SYNE3: variants seen among roughly 807,000 people sequenced by gnomAD.
SYNE3 encodes the protein spectrin repeat containing nuclear envelope family member 3.
SYNE3 carries 100 observed loss-of-function variants against 111.2 expected under a neutral mutation model. That is an observed-to-expected ratio of 0.90 (90% CI 0.77 to 1.06). SYNE3 has a LOEUF of 1.06. SYNE3 is among the 50% of genes least tolerant of loss of function. The pLI, the probability that SYNE3 is intolerant of heterozygous loss-of-function variation, is 0.00. For missense variants in SYNE3, 1,160 were observed against 1,240.3 expected (o/e 0.94, Z 0.97); for synonymous variants, 547 against 533.9 (o/e 1.02, Z -0.34).
chr14:95,447,051 T>C (rs1417970087), intron 8 of SYNE3, among the ~76,000 whole-genome samples: 1 of 152,094 alleles, frequency 6.6e-6, no homozygotes, highest in Non-Finnish European at 1.5e-5. Context: ...CTTAAAACAC[T>C]GAGCTAGGCA....
chr14:95,496,558 T>C (rs1345009191), intron 1 of SYNE3, among the ~76,000 whole-genome samples: 2 of 152,216 alleles, frequency 1.3e-5, no homozygotes, highest in Non-Finnish European at 2.9e-5. Flanking sequence ...CCACGAGGGC[T>C]CCATGAAATC....
chr14:95,473,737 T>G (rs61983362), intron 2 of SYNE3, among the ~76,000 whole-genome samples: 3,094 of 30,654 alleles, frequency 0.1, no homozygotes, highest in Non-Finnish European at 0.11. Context: ...GCTAAGGCTG[T>G]TGTGAGCTTG....
At chr14:95,493,674 G>T (rs1016562085) in intron 1 of SYNE3, among the ~76,000 whole-genome samples, 22 of 152,220 alleles carry the variant, frequency 1.4e-4, no homozygotes, top group African/African-American at 5.1e-4. Context: ...AAGAGGGGTG[G>T]CCACCAGTGG....
intron 8 of SYNE3, among the ~76,000 whole-genome samples, chr14:95,446,970 C>T (rs1886757685): frequency 6.6e-6 from 1 of 152,156 alleles, no homozygotes; most frequent in South Asian, 2.1e-4. Context: ...TTCTGGAAGC[C>T]ACAGGTTTTG....
chr14:95,487,899 C>T (rs1023961398), intron 1 of SYNE3, among the ~76,000 whole-genome samples: 1 of 137,776 alleles, frequency 7.3e-6, no homozygotes, highest in Admixed American at 7.5e-5. Flanking sequence ...CTCGAGACAG[C>T]AAGACCAACC....
At chr14:95,461,753 A>G (rs999684) in intron 4 of SYNE3, among the ~76,000 whole-genome samples, 1 of 151,818 alleles carries the variant, frequency 6.6e-6, no homozygotes, top group Non-Finnish European at 1.5e-5. Context: ...CGAGGACAGA[A>G]CCATCGCTGG....
intron 2 of SYNE3, among the ~76,000 whole-genome samples, chr14:95,471,555 A>G (rs1354877736): frequency 2.0e-5 from 3 of 152,222 alleles, no homozygotes; most frequent in Non-Finnish European, 4.4e-5. Context: ...CTGAAAGATC[A>G]ACCTGTAGGA....
At position 95,500,534 on chromosome 14, in the gene SYNE3, A is replaced by C. The variant is rs1393007581; in HGVS notation, c.-15+16062T>G. Among the ~76,000 whole-genome samples the C allele has an allele frequency of 1.3e-5, 2 of 152,164 alleles. No individual in the cohort carries two copies. The highest frequency in any genetic ancestry group is 1.3e-4 in the Admixed American group (2 of 15,278). Reference sequence around the variant, plus strand: ...TGGGACTTTGCTTTGGCCCAGCCGGACTCAGCGGGAGGAGGCTGCCTTCCT... The same window carrying C: ...TGGGACTTTGCTTTGGCCCAGCCGGCCTCAGCGGGAGGAGGCTGCCTTCCT... On this transcript the variant is annotated intron_variant, in intron 1 of 17. Coordinates refer to ENST00000682763, the MANE Select transcript of SYNE3 (RefSeq NM_152592.6). This position sits in a 1 kb window ranked among gnomAD's most constrained non-coding sequence, Gnocchi z 4.7.
rs1464193557 is a variant in SYNE3 at position 95,416,918 on chromosome 14, C to T, written c.*908G>A. On this transcript the variant is annotated 3_prime_UTR_variant, in exon 18 of 18. Coordinates refer to ENST00000682763, the MANE Select transcript of SYNE3 (RefSeq NM_152592.6). ...CCTGGGCACTGCCAGTGGGTGCTGC[C>T]CACCGAGTGTGCCTCACCATTCTGC... 6.6e-6 allele frequency: 1 copy of T among 152,266 alleles called. No homozygotes were observed. The highest frequency in any genetic ancestry group is 1.5e-5 in the Non-Finnish European group (1 of 68,074). 9.4% of individuals were successfully genotyped at this position (152,266 alleles called of 1,614,324 possible). A position where few individuals can be genotyped will look rare whatever the true frequency, so the allele number is the denominator to read the frequency against.
At chr14:95,487,976 T>C (rs1889633547) in intron 1 of SYNE3, among the ~76,000 whole-genome samples, 1 of 152,158 alleles carries the variant, frequency 6.6e-6, no homozygotes. Context: ...TGAAGAACTT[T>C]ATGATGACCC....
chr14:95,443,157 C>G lies in SYNE3; in HGVS notation c.1909G>C (p.Glu637Gln). 1 of 1,613,830 alleles carries G rather than the reference C, an allele frequency of 6.2e-7. No homozygotes were observed. The highest frequency in any genetic ancestry group is 1.3e-5 in the African/African-American group (1 of 75,046). ...SDFQALQRSL[E>Q]DLVDRCRQSV... Reference sequence around the variant, plus strand: ...AGGCCCTTCTGCCAGCCCCTTACCTCCAGAGACCTCTGCAGGGCCTGGAAG... The same window carrying G: ...AGGCCCTTCTGCCAGCCCCTTACCTGCAGAGACCTCTGCAGGGCCTGGAAG... Residue 637 changes from glutamate to glutamine, a missense_variant and splice_region_variant, in exon 11 of 18, where the codon GAG becomes CAG. Coordinates refer to ENST00000682763, the MANE Select transcript of SYNE3 (RefSeq NM_152592.6).
At chr14:95,468,187 G>A (rs1385838641) in intron 2 of SYNE3, among the ~76,000 whole-genome samples, 1 of 152,232 alleles carries the variant, frequency 6.6e-6, no homozygotes, top group Non-Finnish European at 1.5e-5. Context: ...GCTGGGTGCT[G>A]TCTGATGAAT....
intron 6 of SYNE3, among the ~76,000 whole-genome samples, chr14:95,454,262 G>A (rs1308629818): frequency 1.3e-5 from 2 of 152,250 alleles, no homozygotes. Flanking sequence ...CTGGGAGCCT[G>A]AGCTGGCCCA....
At chr14:95,514,484 C>T (rs1890840126) in intron 1 of SYNE3, among the ~76,000 whole-genome samples, 2 of 152,234 alleles carry the variant, frequency 1.3e-5, no homozygotes, top group South Asian at 4.1e-4. Flanking sequence ...ACCCAGGTAT[C>T]CCGACGAGGC....
intron 1 of SYNE3, among the ~76,000 whole-genome samples, chr14:95,512,888 A>C (rs561968640): frequency 5.2e-4 from 79 of 152,124 alleles, no homozygotes; most frequent in Non-Finnish European, 1.0e-3. Flanking sequence ...CATAAAATAA[A>C]TAAAAAATAA....
rs767762825 is a variant in SYNE3 at position 95,443,276 on chromosome 14, T to C, written c.1790A>G (p.Glu597Gly). 1.9e-5 allele frequency: 30 copies of C among 1,614,056 alleles called. No homozygotes were observed. The highest frequency in any genetic ancestry group is 2.4e-5 in the Non-Finnish European group (28 of 1,180,034). ...QLSRLQGLQE[E>G]GLDLGAQMEA... Reference sequence around the variant, plus strand: ...CATCTGTGCCCCCAAGTCCAGCCCCTCTTCCTGCAGCCCCTGCAGTAGAGA... The same window carrying C: ...CATCTGTGCCCCCAAGTCCAGCCCCCCTTCCTGCAGCCCCTGCAGTAGAGA... The change falls in exon 11 of 18, where the codon GAG becomes GGG. Residue 597 changes from glutamate to glycine, a missense_variant. Coordinates refer to ENST00000682763, the MANE Select transcript of SYNE3 (RefSeq NM_152592.6).
In SYNE3 at chr14:95,445,891, A is replaced by G. The variant is rs114103317; in HGVS notation, c.1632+18T>C. On this transcript the variant is annotated intron_variant, in intron 9 of 17. Transcript: ENST00000682763. ...CGTGGCCAAGCCAAGTCCCGAGCAGATGCCTGGTGCTGCACACCTGCAGTT... is the reference window on the plus strand; with the variant it reads ...CGTGGCCAAGCCAAGTCCCGAGCAGGTGCCTGGTGCTGCACACCTGCAGTT... The G allele has an allele frequency of 1.9e-6, 3 of 1,610,362 alleles. No individual in the cohort carries two copies. Among genetic ancestry groups the G allele is most frequent in the African/African-American group, 2.7e-5 (2 of 75,012 alleles).
At chr14:95,484,449 G>C (rs1228670682) in intron 1 of SYNE3, among the ~76,000 whole-genome samples, 2 of 152,222 alleles carry the variant, frequency 1.3e-5, no homozygotes, top group African/African-American at 4.8e-5. Flanking sequence ...CGGAGTAACA[G>C]GGGCTGCTGG....
intron 17 of SYNE3, among the ~76,000 whole-genome samples, chr14:95,425,194 A>G (rs1303437002): frequency 6.6e-6 from 1 of 151,894 alleles, no homozygotes; most frequent in Admixed American, 6.6e-5. Context: ...TGCAGTGAGC[A>G]GAGATTGCAC....
Sources: allele counts gnomAD v4.1 joint callset (sites outside exome capture counted in the v4.1 genomes callset), GRCh38; gene constraint gnomAD v4.1.1; non-coding constraint Gnocchi (gnomAD v3.1); transcripts MANE v1.5; gene names NCBI Gene and HGNC (gene_info 2026-07-23, HGNC 2026-07-21).